The following ITSN1 variants were observed in gnomAD, a reference collection of about 807,000 sequenced individuals.
ITSN1 encodes the protein intersectin-1.
In ITSN1, 58 loss-of-function variants were observed where a neutral mutation model predicts 239.8. That is an observed-to-expected ratio of 0.24 (90% CI 0.20 to 0.30). The LOEUF (loss-of-function observed/expected upper bound fraction) is 0.30. Among genes scored for constraint, ITSN1 ranks in the 10% least tolerant of loss-of-function variants. ITSN1 has a pLI of 1.00. For synonymous variants in ITSN1, 780 were observed against 770.8 expected, an observed-to-expected ratio of 1.01 and a Z score of -0.20; for missense variants, 1,558 against 2,103.3, an observed-to-expected ratio of 0.74 and a Z score of 5.07.
intron 1 of ITSN1, among the ~76,000 whole-genome samples, chr21:33,687,135 C>A (rs991941543): frequency 2.6e-5 from 4 of 151,864 alleles, no homozygotes; most frequent in African/African-American, 9.7e-5. Context: ...GTTTTGAGAC[C>A]AGCCTGGCCA....
At chr21:33,691,217 C>T (rs907650521) in intron 1 of ITSN1, among the ~76,000 whole-genome samples, 3 of 152,072 alleles carry the variant, frequency 2.0e-5, no homozygotes, top group African/African-American at 4.8e-5. Context: ...TTACGTTTGT[C>T]GCAGTAACTG....
At chr21:33,795,966 T>TTTA (rs57745118) in intron 17 of ITSN1, among the ~76,000 whole-genome samples, 4 of 148,006 alleles carry the variant, frequency 2.7e-5, no homozygotes, top group South Asian at 2.2e-4. Flanking sequence ...TTTTTTTTTT[T>TTTA]AATTTTTTAT....
Position 33,897,067 on chromosome 21 carries a change from T to C in ITSN1, c.*8767T>C, listed in dbSNP as rs1986825136. ...AGCATTAGTTTTAATGAATGAACATTTGAGGTACATTCTATAAATCAATAT... is the reference window on the plus strand; with the variant it reads ...AGCATTAGTTTTAATGAATGAACATCTGAGGTACATTCTATAAATCAATAT... On this transcript the variant is annotated 3_prime_UTR_variant, in exon 40 of 40. Coordinates refer to ENST00000381318, the MANE Select transcript of ITSN1 (RefSeq NM_003024.3). 1 of 152,244 alleles carries C rather than the reference T, an allele frequency of 6.6e-6. No homozygotes were observed. Among genetic ancestry groups the C allele is most frequent in the South Asian group, 2.1e-4 (1 of 4,836 alleles). The allele number at this position is 152,244 out of a possible 1,614,324, so 9.4% of individuals were successfully genotyped here.
chr21:33,710,760 T>G (rs2092391169), intron 1 of ITSN1, among the ~76,000 whole-genome samples: 1 of 151,708 alleles, frequency 6.6e-6, no homozygotes, highest in Non-Finnish European at 1.5e-5. Flanking sequence ...TTGAAAGAAT[T>G]CACCAGTGAA....
chr21:33,846,503 C>T (rs1008850492), intron 29 of ITSN1, among the ~76,000 whole-genome samples: 3 of 152,224 alleles, frequency 2.0e-5, no homozygotes, highest in African/African-American at 4.8e-5. Context: ...TAATGAACAG[C>T]GATGGTACCT....
At position 33,865,035 on chromosome 21, in the gene ITSN1, A is replaced by G. The variant is rs992917161; in HGVS notation, c.3891-116A>G. On this transcript the variant is annotated intron_variant, in intron 31 of 39. Transcript: ENST00000381318. This position sits in a 1 kb window ranked among gnomAD's most constrained non-coding sequence, Gnocchi z 4.4. ...TCCTTGTCTCCCAAATAGATCCTTT[A>G]GTGGCCCTTAAGGCTGTGCCCCTCA... 9.0e-6 allele frequency: 8 copies of G among 890,518 alleles called. No individual in the cohort carries two copies. In the African/African-American group the frequency reaches 1.0e-4, roughly 11 times the overall value. 55.2% of individuals were successfully genotyped at this position (890,518 alleles called of 1,614,324 possible).
At chr21:33,673,184 T>G (rs181982039) in intron 1 of ITSN1, among the ~76,000 whole-genome samples, 23 of 152,302 alleles carry the variant, frequency 1.5e-4, no homozygotes, top group African/African-American at 4.6e-4. Flanking sequence ...TTGCAAGATC[T>G]CACTTATATG....
chr21:33,861,991 TAAAAAA>T (rs776558259), intron 31 of ITSN1, among the ~76,000 whole-genome samples: 4 of 58,168 alleles, frequency 6.9e-5, no homozygotes, highest in Non-Finnish European at 1.2e-4. Context: ...TCATCTCTAC[TAAAAAA>T]AAAAAAAAAA....
rs80099348 is a variant in ITSN1 at position 33,886,598 on chromosome 21, C to T, written c.5017+138C>T. Reference sequence around the variant, plus strand: ...AGAGATGAGGCTGGCTGGCACAAGACGAGGCTCTGTCTCCCCTGGAGGAGT... The same window carrying T: ...AGAGATGAGGCTGGCTGGCACAAGATGAGGCTCTGTCTCCCCTGGAGGAGT... On this transcript the variant is annotated intron_variant, in intron 39 of 39. Coordinates refer to ENST00000381318, the MANE Select transcript of ITSN1 (RefSeq NM_003024.3). 1,991 of 742,410 alleles carry T rather than the reference C, an allele frequency of 2.7e-3. 32 individuals carry two copies. The African/African-American group carries it at 0.031, about 12-fold the overall frequency. The allele number at this position is 742,410 out of a possible 1,614,324, so 46.0% of individuals were successfully genotyped here.
chr21:33,793,233 A>T (rs1184816054), intron 16 of ITSN1, among the ~76,000 whole-genome samples: 1 of 152,158 alleles, frequency 6.6e-6, no homozygotes, highest in African/African-American at 2.4e-5. Context: ...TAAAGGTAGG[A>T]ATTTTAGGGC....
At chr21:33,884,461 G>T (rs1308018836) in intron 36 of ITSN1, among the ~76,000 whole-genome samples, 1 of 152,166 alleles carries the variant, frequency 6.6e-6, no homozygotes, top group Admixed American at 6.5e-5. Context: ...AAATGAAATA[G>T]ATCATTTTCT....
intron 14 of ITSN1, among the ~76,000 whole-genome samples, chr21:33,779,763 G>A (rs1194943638): frequency 6.6e-6 from 1 of 152,142 alleles, no homozygotes; most frequent in Non-Finnish European, 1.5e-5. Flanking sequence ...AAAGGAAAAA[G>A]TACCAGAAGT....
intron 10 of ITSN1, among the ~76,000 whole-genome samples, chr21:33,767,237 TAAAC>T (rs1004953743): frequency 1.5e-4 from 23 of 152,132 alleles, no homozygotes; most frequent in Non-Finnish European, 2.9e-5. Context: ...AAGAAATTAG[TAAAC>T]AAAGTGATTT....
chr21:33,788,080 T>G (rs2070809799), intron 16 of ITSN1, among the ~76,000 whole-genome samples: 1 of 152,216 alleles, frequency 6.6e-6, no homozygotes. Flanking sequence ...AAATACTTTC[T>G]TCTCTTAATG....
At chr21:33,669,528 C>CT (rs2090134797) in intron 1 of ITSN1, among the ~76,000 whole-genome samples, 1 of 151,982 alleles carries the variant, frequency 6.6e-6, no homozygotes, top group Admixed American at 6.6e-5. Context: ...CAACCTCCGC[C>CT]TCCCGGGTTC....
At chr21:33,801,001 G>C (rs935364835) in intron 19 of ITSN1, among the ~76,000 whole-genome samples, 1 of 151,710 alleles carries the variant, frequency 6.6e-6, no homozygotes, top group Admixed American at 6.6e-5. Flanking sequence ...CTCCCAACTA[G>C]CTGGAACCAC....
chr21:33,657,584 AATG>A (rs902509000), intron 1 of ITSN1, among the ~76,000 whole-genome samples: 3 of 152,276 alleles, frequency 2.0e-5, no homozygotes, highest in Middle Eastern at 3.4e-3. Context: ...TGCATCGTGT[AATG>A]ATGATGTTCT....
intron 19 of ITSN1, among the ~76,000 whole-genome samples, chr21:33,802,093 TAAAC>T (rs1422140830): frequency 5.9e-5 from 9 of 152,244 alleles, no homozygotes; most frequent in Admixed American, 1.3e-4. Flanking sequence ...TTTTTAATGT[TAAAC>T]AAACCAGCCT....
intron 16 of ITSN1, among the ~76,000 whole-genome samples, chr21:33,791,825 T>G (rs1223698841): frequency 6.6e-6 from 1 of 152,198 alleles, no homozygotes; most frequent in African/African-American, 2.4e-5. Context: ...ATATCACTCA[T>G]GAATACATTT....
Sources: allele counts gnomAD v4.1 joint callset (sites outside exome capture counted in the v4.1 genomes callset), GRCh38; gene constraint gnomAD v4.1.1; non-coding constraint Gnocchi (gnomAD v3.1); transcripts MANE v1.5; gene names NCBI Gene and HGNC (gene_info 2026-07-23, HGNC 2026-07-21).